SLIT1: variants seen among roughly 807,000 people sequenced by gnomAD.
SLIT1 encodes the protein slit homolog 1 protein.
In SLIT1, 66 loss-of-function variants were observed where a neutral mutation model predicts 186.1. The ratio of observed to expected loss-of-function variants is 0.35; its 90% CI spans 0.29 to 0.44. The LOEUF (loss-of-function observed/expected upper bound fraction) is 0.44. SLIT1 is among the 20% of genes least tolerant of loss of function. The probability of loss-of-function intolerance (pLI) is 1.00; values close to 1 mark genes in which losing one functional copy is unlikely to be tolerated. For synonymous variants in SLIT1, 761 were observed against 833.8 expected, an observed-to-expected ratio of 0.91 and a Z score of 1.50; for missense variants, 1,638 against 2,037.4, an observed-to-expected ratio of 0.80 and a Z score of 3.77.
intron 30 of SLIT1, 151 bp from the exon 31 acceptor site, chr10:97,011,281 C>A: frequency 1.6e-6 from 1 of 632,878 alleles, no homozygotes; most frequent in Non-Finnish European, 2.8e-6. Context: ...GGAGGTCACA[C>A]AGAGCTCTGG....
intron 25 of SLIT1, among the ~76,000 whole-genome samples, chr10:97,023,075 A>C (rs1174435088): frequency 2.6e-5 from 4 of 151,496 alleles, no homozygotes; most frequent in African/African-American, 9.7e-5. Context: ...TTTATGAGAC[A>C]GGGTCTCACT....
At position 97,000,934 on chromosome 10, in the gene SLIT1, G is replaced by A; in HGVS notation, c.*178C>T. 1.7e-6 allele frequency: 1 copy of A among 603,320 alleles called. No individual in the cohort carries two copies. Among genetic ancestry groups the A allele is most frequent in the Non-Finnish European group, 2.9e-6 (1 of 340,856 alleles). The allele number at this position is 603,320 out of a possible 1,614,324, so 37.4% of individuals were successfully genotyped here. On this transcript the variant is annotated 3_prime_UTR_variant, in exon 37 of 37. Transcript: ENST00000266058. ...GCCTCGCCCACCCCCGCTGCCCCCAGCTATGGCGCAATTTGCTTTTAAAAG... is the reference window on the plus strand; with the variant it reads ...GCCTCGCCCACCCCCGCTGCCCCCAACTATGGCGCAATTTGCTTTTAAAAG...
chr10:97,082,800 G>C (rs183907291), intron 4 of SLIT1, among the ~76,000 whole-genome samples: 1 of 152,314 alleles, frequency 6.6e-6, no homozygotes, highest in Non-Finnish European at 1.5e-5. Flanking sequence ...GACGTTAATA[G>C]TCAGAGAGAA....
intron 21 of SLIT1, among the ~76,000 whole-genome samples, chr10:97,038,951 C>A (rs1183618300): frequency 6.6e-6 from 1 of 152,170 alleles, no homozygotes; most frequent in Non-Finnish European, 1.5e-5. Context: ...CCCCACCCAT[C>A]CCATTATTCT....
intron 4 of SLIT1, among the ~76,000 whole-genome samples, chr10:97,145,756 C>T (rs924560494): frequency 3.3e-5 from 5 of 152,210 alleles, no homozygotes; most frequent in Non-Finnish European, 5.9e-5. Context: ...GAGCAGGAGA[C>T]ACTCAGACCT....
intron 4 of SLIT1, among the ~76,000 whole-genome samples, chr10:97,111,437 T>A (rs1345332650): frequency 6.6e-6 from 1 of 152,172 alleles, no homozygotes; most frequent in East Asian, 1.9e-4. Flanking sequence ...GGTGTCATTA[T>A]AACCGTGGAA....
chr10:97,078,442 A>G (rs967432993), intron 4 of SLIT1, among the ~76,000 whole-genome samples: 17 of 152,212 alleles, frequency 1.1e-4, no homozygotes, highest in Non-Finnish European at 4.4e-5. Context: ...GCCGCAACAT[A>G]AAAGCACCCA....
At chr10:97,114,157 T>A (rs572428564) in intron 4 of SLIT1, among the ~76,000 whole-genome samples, 4 of 152,134 alleles carry the variant, frequency 2.6e-5, no homozygotes, top group Non-Finnish European at 5.9e-5. Context: ...ATGGTGGTAA[T>A]GTTACAAGCC....
rs201344163 is a variant in SLIT1, at chr10:97,031,635, G to A, written c.2481C>T (p.Ala827=). The A allele has an allele frequency of 2.5e-5, 39 of 1,552,148 alleles. No homozygotes were observed. The East Asian group carries it at 9.5e-4, about 38-fold the overall frequency. ...YNALQCIPPL[A]FQGLRSLRLL... is the part of the protein sequence containing the mutation. ...GGCGCAGGGAGCGGAGTCCCTGGAA[G>A]GCCAAAGGCGGGATGCACTGCAGGG... is the stretch of plus-strand genomic sequence containing the variant. The change falls in exon 24 of 37, where the codon GCC becomes GCT. Residue 827 remains alanine (A), a synonymous_variant. Coordinates refer to ENST00000266058, the MANE Select transcript of SLIT1 (RefSeq NM_003061.3).
chr10:97,061,212 A>C (rs907019362), intron 8 of SLIT1, among the ~76,000 whole-genome samples: 2 of 152,254 alleles, frequency 1.3e-5, no homozygotes, highest in African/African-American at 4.8e-5. Context: ...GCAGCATTGC[A>C]TTTAAGCCTA....
At chr10:97,069,127 T>C (rs565307262) in intron 4 of SLIT1, among the ~76,000 whole-genome samples, 6 of 152,182 alleles carry the variant, frequency 3.9e-5, no homozygotes, top group South Asian at 2.1e-4. Context: ...CTGGGCAGAG[T>C]GGGCTGGCAG....
chr10:97,178,790 AGTGTGTGT>A lies in SLIT1; in HGVS notation c.197+6680_197+6687del, dbSNP rs57432718. ...CGATAGAGAGAAGAGAGAGAGAGAA[AGTGTGTGT>A]GTGTGTGTGTGTGTGTGATTATGAT... On this transcript the variant is annotated intron_variant, in intron 1 of 36. Coordinates refer to ENST00000266058, the MANE Select transcript of SLIT1 (RefSeq NM_003061.3). 4.0e-3 allele frequency among the ~76,000 whole-genome samples: 596 copies of A among 150,584 alleles called. 1 individual carries two copies. Among genetic ancestry groups the A allele is most frequent in the Middle Eastern group, 0.017 (5 of 294 alleles).
At chr10:97,179,800 T>TCCCCCCCCCCC (rs150754287) in intron 1 of SLIT1, among the ~76,000 whole-genome samples, 57 of 126,336 alleles carry the variant, frequency 4.5e-4, no homozygotes, top group Middle Eastern at 8.5e-3. Context: ...CTCCACACCC[T>TCCCCCCCCCCC]CCCCGCCCCC....
At chr10:97,172,548 T>A (rs1402224180) in intron 1 of SLIT1, among the ~76,000 whole-genome samples, 1 of 152,190 alleles carries the variant, frequency 6.6e-6, no homozygotes, top group Non-Finnish European at 1.5e-5. Context: ...ACAGTTTAAA[T>A]AGCATTAGTT....
intron 4 of SLIT1, among the ~76,000 whole-genome samples, chr10:97,071,969 G>C: frequency 6.6e-6 from 1 of 152,210 alleles, no homozygotes; most frequent in East Asian, 1.9e-4. Flanking sequence ...GTAGGGAAGA[G>C]GAAGAAGGCA....
At position 97,004,769 on chromosome 10, in the gene SLIT1, T is replaced by C. The variant is rs1406709566; in HGVS notation, c.3634A>G (p.Ile1212Val). Residue 1212 changes from isoleucine to valine, a missense_variant, in exon 33 of 37, where the codon ATT becomes GTT. Ile to Val is a conservative substitution (Grantham distance 29, BLOSUM62 3). This residue lies in a region of SLIT1 where 173 missense variants were observed against 290.9 expected (regional missense o/e 0.59). Coordinates refer to ENST00000266058, the MANE Select transcript of SLIT1 (RefSeq NM_003061.3). The surrounding 1 kb of genome is among the most constrained non-coding windows in gnomAD (Gnocchi z 5.1). ...ILLYNGDNDH[I>V]AVELYQGHVR... ...TGGCCCTGGTACAGCTCAACTGCAA[T>C]GTGGTCGTTGTCCCCGTTGTACAGA... 6.2e-7 allele frequency: 1 copy of C among 1,614,124 alleles called. No homozygotes were observed. Among genetic ancestry groups the C allele is most frequent in the Non-Finnish European group, 8.5e-7 (1 of 1,179,992 alleles).
In SLIT1 at chr10:97,051,761, G is replaced by A. The variant is rs780043625; in HGVS notation, c.1302-2643C>T. ...TCGGAGGTGGAGGATGCAGTGAGCC[G>A]AGATCGTGCCACTGCACTCCAGCCT... is the stretch of plus-strand genomic sequence containing the variant. On this transcript the variant is annotated intron_variant, in intron 13 of 36. Coordinates refer to ENST00000266058, the MANE Select transcript of SLIT1 (RefSeq NM_003061.3). Among the ~76,000 whole-genome samples, 12 of 148,512 alleles carry A rather than the reference G, an allele frequency of 8.1e-5. No individual in the cohort carries two copies. The East Asian group carries it at 2.0e-3, about 24-fold the overall frequency.
At chr10:97,085,353 T>C (rs1166155204) in intron 4 of SLIT1, among the ~76,000 whole-genome samples, 2 of 152,088 alleles carry the variant, frequency 1.3e-5, no homozygotes, top group Non-Finnish European at 2.9e-5. Flanking sequence ...ACTTCCTAAC[T>C]ACTGTACCCA....
rs541366509 is a variant in SLIT1, at chr10:97,055,817, CACT to C, written c.1301+501_1301+503del. 1.1e-4 allele frequency among the ~76,000 whole-genome samples: 16 copies of C among 152,264 alleles called. No individual in the cohort carries two copies. In the East Asian group the frequency reaches 2.9e-3, roughly 28 times the overall value. ...ATTTGACATTATGAATTGTAAGAGG[CACT>C]ACTATTTTTTGTACTATCAATAAAG... On this transcript the variant is annotated intron_variant, in intron 13 of 36. Coordinates refer to ENST00000266058, the MANE Select transcript of SLIT1 (RefSeq NM_003061.3).
Sources: gnomAD v4.1 joint callset for allele counts (sites outside exome capture counted in the v4.1 genomes callset) on GRCh38, gnomAD v4.1.1 for gene constraint, gnomAD v4.1.1 regional missense constraint, Gnocchi (gnomAD v3.1) non-coding constraint, MANE v1.5 for transcripts, NCBI Gene and HGNC (gene_info 2026-07-23, HGNC 2026-07-21) for gene names.